CDIN1: variants seen among roughly 807,000 people sequenced by gnomAD.
CDIN1 encodes CDAN1-interacting nuclease 1.
Under a neutral mutation model 45.3 loss-of-function variants are expected in CDIN1, and 33 were observed. The observed-to-expected ratio is 0.73, with a 90% confidence interval of 0.55 to 0.97. The LOEUF (loss-of-function observed/expected upper bound fraction) is 0.97, where lower values mean the gene tolerates loss of function less well. Among genes scored for constraint, CDIN1 ranks in the 50% least tolerant of loss-of-function variants. The pLI is 0.00. For missense variants in CDIN1, 303 were observed against 339.4 expected, an observed-to-expected ratio of 0.89 and a Z score of 0.84; for synonymous variants, 118 against 124.4, an observed-to-expected ratio of 0.95 and a Z score of 0.34.
At chr15:36,690,281 T>G (rs1302755775) in intron 5 of CDIN1, among the ~76,000 whole-genome samples, 2 of 152,142 alleles carry the variant, frequency 1.3e-5, no homozygotes, top group Non-Finnish European at 2.9e-5. Context: ...TTTTCTTTTT[T>G]TTTTTGAGAC....
chr15:36,776,484 C>G (rs2054220300), intron 10 of CDIN1, among the ~76,000 whole-genome samples: 1 of 152,128 alleles, frequency 6.6e-6, no homozygotes, highest in South Asian at 2.1e-4. Context: ...GCATCAGAAT[C>G]CTTGTTCTAT....
chr15:36,649,533 G>A (rs971542808), intron 3 of CDIN1, among the ~76,000 whole-genome samples: 1 of 152,122 alleles, frequency 6.6e-6, no homozygotes, highest in Non-Finnish European at 1.5e-5. Context: ...CCCATTTTAT[G>A]ATGTTTTTTG....
chr15:36,597,673 A>T (rs893966486), intron 1 of CDIN1, among the ~76,000 whole-genome samples: 8 of 152,198 alleles, frequency 5.3e-5, no homozygotes, highest in African/African-American at 1.9e-4. Context: ...GTATGATAGA[A>T]CCTTCAGTAT....
At chr15:36,645,185 T>C (rs1450740945) in intron 2 of CDIN1, 38 bp from the exon 3 acceptor site, 2 of 1,486,318 alleles carry the variant, frequency 1.3e-6, no homozygotes, top group Non-Finnish European at 1.8e-6. Flanking sequence ...CTGTGACATA[T>C]CAAAGATTTT....
At chr15:36,691,851 C>A in intron 6 of CDIN1, 87 bp downstream of exon 6, 3 of 1,057,050 alleles carry the variant, frequency 2.8e-6, no homozygotes, top group South Asian at 2.8e-5. Flanking sequence ...TAATTACTGT[C>A]ATCATAAACT....
chr15:36,792,565 T>G (rs1438676555), intron 10 of CDIN1, among the ~76,000 whole-genome samples: 1 of 142,170 alleles, frequency 7.0e-6, no homozygotes, highest in Non-Finnish European at 1.5e-5. Flanking sequence ...TTTTTTTGAA[T>G]GACAGTCTTT....
intron 10 of CDIN1, among the ~76,000 whole-genome samples, chr15:36,713,866 G>A (rs1020372447): frequency 4.6e-5 from 7 of 152,244 alleles, no homozygotes; most frequent in African/African-American, 1.7e-4. Flanking sequence ...TAATAATTTC[G>A]TAACATCTAT....
At chr15:36,623,852 G>A (rs1231753094) in intron 1 of CDIN1, among the ~76,000 whole-genome samples, 1 of 152,162 alleles carries the variant, frequency 6.6e-6, no homozygotes, top group African/African-American at 2.4e-5. Flanking sequence ...TTATGATTTG[G>A]AGGCAGTGAT....
Position 36,579,801 on chromosome 15 carries a change from C to A in CDIN1, c.-60C>A. On this transcript the variant is annotated 5_prime_UTR_variant, in exon 1 of 11. Coordinates refer to ENST00000566621, the MANE Select transcript of CDIN1 (RefSeq NM_001321759.2). The stretch of plus-strand genomic sequence containing the variant: ...TACCCCTCATCCCTCGGCACCAAGG[C>A]TACTTGAGCCCCAGGGTGTTTTTTC... The A allele has an allele frequency of 7.2e-7, 1 of 1,396,762 alleles. No individual in the cohort carries two copies. Among genetic ancestry groups the A allele is most frequent in the Non-Finnish European group, 9.9e-7 (1 of 1,009,776 alleles). The allele number at this position is 1,396,762 out of a possible 1,614,324, so 86.5% of individuals were successfully genotyped here.
intron 5 of CDIN1, among the ~76,000 whole-genome samples, chr15:36,679,498 C>T (rs1419348049): frequency 6.6e-6 from 1 of 152,120 alleles, no homozygotes. Context: ...AGAGCCAGGC[C>T]TCGAACCAAG....
intron 5 of CDIN1, among the ~76,000 whole-genome samples, chr15:36,682,506 A>G (rs1296509013): frequency 6.6e-6 from 1 of 151,652 alleles, no homozygotes. Flanking sequence ...GGGCAAGGTC[A>G]CACATACCTG....
intron 1 of CDIN1, among the ~76,000 whole-genome samples, chr15:36,626,331 C>A (rs1188499681): frequency 6.8e-6 from 1 of 147,746 alleles, no homozygotes; most frequent in Non-Finnish European, 1.5e-5. Context: ...CTTGTTCCAG[C>A]AAACAAAGCC....
At chr15:36,792,736 A>G (rs752849129) in intron 10 of CDIN1, among the ~76,000 whole-genome samples, 1 of 152,186 alleles carries the variant, frequency 6.6e-6, no homozygotes, top group African/African-American at 2.4e-5. Context: ...ATGCAGAAAC[A>G]TGGCCCAGAG....
intron 8 of CDIN1, chr15:36,707,803 A>C (rs908394332): frequency 6.6e-6 from 1 of 152,204 alleles, no homozygotes; most frequent in Non-Finnish European, 1.5e-5. Context: ...TGGTCAGAGT[A>C]TAGTTACAGA....
chr15:36,618,659 T>C (rs2039009185), intron 1 of CDIN1: 1 of 815,386 alleles, frequency 1.2e-6, no homozygotes, highest in Non-Finnish European at 2.2e-6. Context: ...AGTTGCCCAG[T>C]GCCTGCAGAT....
chr15:36,607,740 T>C (rs2038447142), intron 1 of CDIN1, among the ~76,000 whole-genome samples: 2 of 152,226 alleles, frequency 1.3e-5, no homozygotes, highest in South Asian at 4.1e-4. Context: ...ATTCACCCTT[T>C]TTAAGTGTAC....
intron 10 of CDIN1, among the ~76,000 whole-genome samples, chr15:36,784,090 TAATTA>T (rs2054426442): frequency 6.6e-6 from 1 of 152,198 alleles, no homozygotes; most frequent in African/African-American, 2.4e-5. Flanking sequence ...GACTTCACTT[TAATTA>T]GAGTTCAAAG....
chr15:36,689,721 T>C (rs554971058), intron 5 of CDIN1, among the ~76,000 whole-genome samples: 1 of 152,308 alleles, frequency 6.6e-6, no homozygotes, highest in South Asian at 2.1e-4. Flanking sequence ...TTTTCTTTTA[T>C]AAGAAGATGA....
At chr15:36,739,234 C>A (rs4456452) in intron 10 of CDIN1, among the ~76,000 whole-genome samples, 30,078 of 151,732 alleles carry the variant, frequency 0.2, 3,159 homozygotes, top group Admixed American at 0.29. Context: ...TCAACAACAA[C>A]AAAAAACAAA....
Sources: gnomAD v4.1 joint callset for allele counts (sites outside exome capture counted in the v4.1 genomes callset) on GRCh38, gnomAD v4.1.1 for gene constraint, MANE v1.5 for transcripts, NCBI Gene and HGNC (gene_info 2026-07-23, HGNC 2026-07-21) for gene names.